The following RPRD2 variants were observed in gnomAD, a reference collection of about 807,000 sequenced individuals.
The protein encoded by RPRD2 is regulation of nuclear pre-mRNA domain containing 2, also known as regulation of nuclear pre-mRNA domain-containing protein 2.
In RPRD2, 12 loss-of-function variants were observed where a neutral mutation model predicts 104.4. That is an observed-to-expected ratio of 0.11 (90% CI 0.07 to 0.19). The LOEUF is 0.19. Ranked by LOEUF, RPRD2 falls within the 10% of genes least tolerant of loss-of-function variation. The probability of loss-of-function intolerance (pLI) is 1.00; values close to 1 mark genes in which losing one functional copy is unlikely to be tolerated. For missense variants in RPRD2, 1,543 were observed against 1,790.1 expected, an observed-to-expected ratio of 0.86 and a Z score of 2.49; for synonymous variants, 714 against 684.9, an observed-to-expected ratio of 1.04 and a Z score of -0.66.
At chr1:150,460,395 GTT>G (rs1206456326) in intron 9 of RPRD2, 78 bp downstream of exon 9, 20 of 337,680 alleles carry the variant, frequency 5.9e-5, no homozygotes, top group Middle Eastern at 9.6e-4. Flanking sequence ...TTTTGGGGGG[GTT>G]GTTGTTGTTG....
rs1206208666 is a variant in RPRD2 at position 150,364,497 on chromosome 1, C to T, written c.-218C>T. On this transcript the variant is annotated 5_prime_UTR_variant, in exon 1 of 11. Coordinates refer to ENST00000369068, the MANE Select transcript of RPRD2 (RefSeq NM_015203.5). ...ATATTGATAAAACCTCCGAGACCCG[C>T]AGCCCCTCCTTGCAGCGTGTAGGAG... Among the ~76,000 whole-genome samples, 1 of 152,118 alleles carries T rather than the reference C, an allele frequency of 6.6e-6. No homozygotes were observed. Among genetic ancestry groups the T allele is most frequent in the Non-Finnish European group, 1.5e-5 (1 of 68,026 alleles).
chr1:150,460,002 T>C (rs967556571), intron 8 of RPRD2, 58 bp from the exon 9 acceptor site: 11 of 1,541,924 alleles, frequency 7.1e-6, no homozygotes, highest in African/African-American at 5.5e-5. Context: ...TTATTTCATA[T>C]AGGAAGCAAA....
intron 2 of RPRD2, among the ~76,000 whole-genome samples, chr1:150,439,847 A>G (rs1020528932): frequency 3.3e-5 from 5 of 151,794 alleles, no homozygotes; most frequent in African/African-American, 9.7e-5. Context: ...CTCCCTGACA[A>G]TGGTTACGCC....
At chr1:150,418,869 A>G (rs1260420) in intron 2 of RPRD2, among the ~76,000 whole-genome samples, 91,998 of 151,816 alleles carry the variant, frequency 0.61, 28,440 homozygotes, top group African/African-American at 0.67. Context: ...AAAATTAGCC[A>G]GGCGTGGTGG....
At chr1:150,455,370 C>T (rs587708898) in intron 7 of RPRD2, among the ~76,000 whole-genome samples, 5 of 152,028 alleles carry the variant, frequency 3.3e-5, no homozygotes, top group African/African-American at 4.8e-5. Context: ...GGTGTGGGGG[C>T]GCACGCCTGT....
chr1:150,366,685 G>C (rs587601985), intron 1 of RPRD2, among the ~76,000 whole-genome samples: 1 of 152,166 alleles, frequency 6.6e-6, no homozygotes, highest in Non-Finnish European at 1.5e-5. Flanking sequence ...GTGGGGTTAG[G>C]GTTTGACTTC....
intron 1 of RPRD2, among the ~76,000 whole-genome samples, chr1:150,368,704 TC>T: frequency 6.6e-6 from 1 of 152,070 alleles, no homozygotes; most frequent in East Asian, 1.9e-4. Context: ...CCTCAGGTGA[TC>T]CACCTGCCTC....
chr1:150,473,517 T>G lies in RPRD2; in HGVS notation c.*183T>G. On this transcript the variant is annotated 3_prime_UTR_variant, in exon 11 of 11. Transcript: ENST00000369068. ...TTTTACTATTCAATTCAATCCTCCC[T>G]CCCATTGCACTTATCTACCTTCCCC... 1 of 193,248 alleles carries G rather than the reference T, an allele frequency of 5.2e-6. No individual in the cohort carries two copies. The allele number at this position is 193,248 out of a possible 1,614,324, so 12.0% of individuals were successfully genotyped here. A position where few individuals can be genotyped will look rare whatever the true frequency, so the allele number is the denominator to read the frequency against.
intron 7 of RPRD2, among the ~76,000 whole-genome samples, chr1:150,447,520 G>A (rs1236056449): frequency 6.6e-6 from 1 of 151,196 alleles, no homozygotes; most frequent in Non-Finnish European, 1.5e-5. Flanking sequence ...TTTTAGTAGA[G>A]ATGGGGTTTC....
chr1:150,410,081 G>A (rs1265706427), intron 1 of RPRD2, among the ~76,000 whole-genome samples: 1 of 152,176 alleles, frequency 6.6e-6, no homozygotes, highest in African/African-American at 2.4e-5. Flanking sequence ...GAGCTTAACA[G>A]ACCGTGAAGC....
intron 1 of RPRD2, among the ~76,000 whole-genome samples, chr1:150,395,399 G>GTGTGTGTA (rs1461510229): frequency 6.6e-6 from 1 of 151,576 alleles, no homozygotes; most frequent in Non-Finnish European, 1.5e-5. Flanking sequence ...GTGTGTGTGT[G>GTGTGTGTA]TATACACATC....
At chr1:150,384,639 TTGTGTGTGTGTGTGTGTG>T (rs71086504) in intron 1 of RPRD2, among the ~76,000 whole-genome samples, 35 of 133,352 alleles carry the variant, frequency 2.6e-4, no homozygotes, top group Admixed American at 2.1e-3. Flanking sequence ...CCTGGCTAAT[TTGTGTGTGTGTGTGTGTG>T]TGTGTGTGTG....
intron 1 of RPRD2, among the ~76,000 whole-genome samples, chr1:150,380,367 C>T (rs1661032103): frequency 6.6e-6 from 1 of 152,034 alleles, no homozygotes; most frequent in African/African-American, 2.4e-5. Flanking sequence ...TTTCCCTCGC[C>T]CATCATTCTC....
chr1:150,410,481 A>G (rs1663814358), intron 1 of RPRD2, among the ~76,000 whole-genome samples: 1 of 152,152 alleles, frequency 6.6e-6, no homozygotes. Flanking sequence ...GAGTCTGTAT[A>G]TGTTTTTTAA....
chr1:150,470,803 A>G lies in RPRD2; in HGVS notation c.1855A>G (p.Ser619Gly), dbSNP rs1668538585. 1 of 1,614,010 alleles carries G rather than the reference A, an allele frequency of 6.2e-7. No individual in the cohort carries two copies. The highest frequency in any genetic ancestry group is 8.5e-7 in the Non-Finnish European group (1 of 1,179,906). Residue 619 changes from serine (S) to glycine (G), a missense_variant, in exon 11 of 11, where the codon AGC (serine) becomes GGC (glycine). Physicochemically the swap from Ser to Gly is moderately conservative, Grantham distance 56. This residue lies in a region of RPRD2 where 572 missense variants were observed against 787.3 expected (regional missense o/e 0.73). Transcript: ENST00000369068. The part of the protein sequence containing the change: ...ASIGQSPGLP[S>G]TTFKLPSNSL... Reference sequence around the variant, plus strand: ...AATTGGGCAAAGCCCAGGGCTCCCAAGCACTACTTTTAAACTACCTTCCAA... The same window carrying G: ...AATTGGGCAAAGCCCAGGGCTCCCAGGCACTACTTTTAAACTACCTTCCAA...
At chr1:150,469,524 GCCT>G (rs1668478266) in intron 10 of RPRD2, among the ~76,000 whole-genome samples, 1 of 152,066 alleles carries the variant, frequency 6.6e-6, no homozygotes, top group African/African-American at 2.4e-5. Context: ...CCATCCTCCT[GCCT>G]CTGCTGCCCA....
chr1:150,430,834 G>A (rs587746085), intron 2 of RPRD2, among the ~76,000 whole-genome samples: 144 of 152,136 alleles, frequency 9.5e-4, no homozygotes, highest in African/African-American at 3.2e-3. Flanking sequence ...AGACTGAGGC[G>A]GGAAAATCGC....
intron 1 of RPRD2, among the ~76,000 whole-genome samples, chr1:150,411,788 C>CAAAAAAAAAAAA (rs71086508): frequency 1.4e-5 from 1 of 70,726 alleles, no homozygotes; most frequent in African/African-American, 9.1e-5. Flanking sequence ...TAGACTGTCT[C>CAAAAAAAAAAAA]AAAAAAAAAA....
chr1:150,395,365 T>TTTTGTGTGTGTGTG (rs782263204), intron 1 of RPRD2, among the ~76,000 whole-genome samples: 1 of 144,076 alleles, frequency 6.9e-6, no homozygotes, highest in African/African-American at 2.6e-5. Flanking sequence ...TAGTATTCCA[T>TTTTGTGTGTGTGTG]TGTGTGTGTG....
Sources: allele counts gnomAD v4.1 joint callset (sites outside exome capture counted in the v4.1 genomes callset), GRCh38; gene constraint gnomAD v4.1.1; regional missense constraint gnomAD v4.1.1; transcripts MANE v1.5; gene names NCBI Gene and HGNC (gene_info 2026-07-23, HGNC 2026-07-21).